FGF12: variants seen among roughly 807,000 people sequenced by gnomAD.
FGF12 encodes the protein fibroblast growth factor 12B.
A neutral mutation model predicts 23.6 loss-of-function variants in FGF12; 14 were observed. That is an observed-to-expected ratio of 0.59 (90% CI 0.39 to 0.93). The LOEUF (loss-of-function observed/expected upper bound fraction) is 0.93, where lower values mean the gene tolerates loss of function less well. Ranked by LOEUF, FGF12 falls within the 40% of genes least tolerant of loss-of-function variation. The probability of loss-of-function intolerance (pLI) is 0.00; values close to 1 mark genes in which losing one functional copy is unlikely to be tolerated. For synonymous variants in FGF12, 62 were observed against 77.3 expected, an observed-to-expected ratio of 0.80 and a Z score of 1.04; for missense variants, 175 against 217.8, an observed-to-expected ratio of 0.80 and a Z score of 1.24.
intron 2 of FGF12, among the ~76,000 whole-genome samples, chr3:192,653,604 G>A (rs1485831774): frequency 1.3e-5 from 2 of 152,044 alleles, no homozygotes; most frequent in Non-Finnish European, 1.5e-5. Flanking sequence ...GTTCCTGTAT[G>A]TCCTGTATAA....
At chr3:192,636,239 T>G (rs2108660455) in intron 2 of FGF12, among the ~76,000 whole-genome samples, 1 of 152,354 alleles carries the variant, frequency 6.6e-6, no homozygotes, top group African/African-American at 2.4e-5. Flanking sequence ...ATTTGGATAC[T>G]TTGATCCATA....
chr3:192,573,071 A>C (rs1481335281), intron 2 of FGF12, among the ~76,000 whole-genome samples: 2 of 152,190 alleles, frequency 1.3e-5, no homozygotes, highest in African/African-American at 2.4e-5. Flanking sequence ...AATGAGCAAA[A>C]CTTTATACTA....
At chr3:192,370,498 G>C (rs1355401656) in intron 2 of FGF12, among the ~76,000 whole-genome samples, 1 of 152,128 alleles carries the variant, frequency 6.6e-6, no homozygotes, top group Non-Finnish European at 1.5e-5. Context: ...AGCTATGATT[G>C]CATCACTATA....
chr3:192,385,519 T>A (rs1170194530), intron 2 of FGF12, among the ~76,000 whole-genome samples: 1 of 152,174 alleles, frequency 6.6e-6, no homozygotes, highest in Admixed American at 6.5e-5. Flanking sequence ...GCTCCTCAGA[T>A]CTGATCTTTC....
rs527630014 is a variant in FGF12, at chr3:192,430,773, GTCT to G, written c.14-70238_14-70236del. On this transcript the variant is annotated intron_variant, in intron 2 of 5. Coordinates refer to ENST00000445105, the MANE Select transcript of FGF12 (RefSeq NM_004113.6). ...GCATTTCGCCACCATGAAGAGGGTA[GTCT>G]TGGGTGGGTCTTAGTGACCACAGGT... is the stretch of plus-strand genomic sequence containing the variant. Among the ~76,000 whole-genome samples, 410 of 152,288 alleles carry G rather than the reference GTCT, an allele frequency of 2.7e-3. 1 individual carries two copies. The highest frequency in any genetic ancestry group is 9.3e-3 in the African/African-American group (386 of 41,574).
At chr3:192,679,240 G>A (rs1336729756) in intron 2 of FGF12, among the ~76,000 whole-genome samples, 1 of 152,156 alleles carries the variant, frequency 6.6e-6, no homozygotes, top group Admixed American at 6.5e-5. Context: ...GTGAGGCACA[G>A]GAAGATAGGC....
chr3:192,271,054 CA>C (rs1713405187), intron 4 of FGF12, among the ~76,000 whole-genome samples: 1 of 152,090 alleles, frequency 6.6e-6, no homozygotes, highest in African/African-American at 2.4e-5. Flanking sequence ...CAAAATCAAT[CA>C]ATTAGACATT....
chr3:192,174,390 T>A (rs1453049861), intron 4 of FGF12, among the ~76,000 whole-genome samples: 3 of 152,152 alleles, frequency 2.0e-5, no homozygotes, highest in African/African-American at 7.2e-5. Flanking sequence ...TAATCAGCAA[T>A]GAAAAGCCAA....
chr3:192,465,647 T>C (rs1274418691), intron 2 of FGF12, among the ~76,000 whole-genome samples: 1 of 152,198 alleles, frequency 6.6e-6, no homozygotes, highest in Non-Finnish European at 1.5e-5. Flanking sequence ...GCTGAATAGC[T>C]ACTTTTCTTA....
At chr3:192,485,409 C>T (rs1387009403) in intron 2 of FGF12, among the ~76,000 whole-genome samples, 3 of 152,184 alleles carry the variant, frequency 2.0e-5, no homozygotes, top group African/African-American at 2.4e-5. Context: ...ATTAATGCTT[C>T]GACAGTAAGA....
At chr3:192,624,197 A>T (rs867562332) in intron 2 of FGF12, among the ~76,000 whole-genome samples, 3 of 146,936 alleles carry the variant, frequency 2.0e-5, no homozygotes, top group South Asian at 2.1e-4. Context: ...TCTCTTAGAT[A>T]AAAAAAAAAA....
intron 5 of FGF12, among the ~76,000 whole-genome samples, chr3:192,166,438 T>C (rs541879543): frequency 3.3e-5 from 5 of 152,352 alleles, no homozygotes; most frequent in Admixed American, 2.0e-4. Context: ...GGTCCCACTA[T>C]ATTGAAGTTA....
rs1553835729 is a variant in FGF12 at position 192,588,361 on chromosome 3, A to AAAAG, written c.13+138819_13+138820insCTTT. Among the ~76,000 whole-genome samples the AAAAG allele has an allele frequency of 3.2e-4, 38 of 120,252 alleles. 1 individual carries two copies. The East Asian group carries it at 6.3e-3, about 20-fold the overall frequency. 78.9% of individuals were successfully genotyped at this position (120,252 alleles called of 152,430 possible). A position where few individuals can be genotyped will look rare whatever the true frequency, so the allele number is the denominator to read the frequency against. ...CAACAATCCGTCTCAAAAAAAAAAA[A>AAAAG]AAAAAAGAAAAAAAGAAAAAAAAAA... On this transcript the variant is annotated intron_variant, in intron 2 of 5. Coordinates refer to ENST00000445105, the MANE Select transcript of FGF12 (RefSeq NM_004113.6).
At chr3:192,186,983 C>G (rs777221407) in intron 4 of FGF12, among the ~76,000 whole-genome samples, 14 of 152,154 alleles carry the variant, frequency 9.2e-5, no homozygotes, top group African/African-American at 4.8e-5. Context: ...TGAAAGGAAG[C>G]TTGGAATTCT....
At position 192,407,324 on chromosome 3, in the gene FGF12, C is replaced by T. The variant is rs138952547; in HGVS notation, c.14-46786G>A. ...TCAATGTCTCAAAAGTGTGAGTGTGCTAAGTATGGTAATAGGACAGAAACG... is the reference window on the plus strand; with the variant it reads ...TCAATGTCTCAAAAGTGTGAGTGTGTTAAGTATGGTAATAGGACAGAAACG... On this transcript the variant is annotated intron_variant, in intron 2 of 5. Coordinates refer to ENST00000445105, the MANE Select transcript of FGF12 (RefSeq NM_004113.6). Among the ~76,000 whole-genome samples the T allele has an allele frequency of 2.7e-3, 416 of 152,094 alleles. 2 individuals are homozygous for T. Among genetic ancestry groups the T allele is most frequent in the African/African-American group, 9.6e-3 (399 of 41,454 alleles).
At chr3:192,339,890 G>C (rs564135160) in intron 3 of FGF12, among the ~76,000 whole-genome samples, 1 of 152,112 alleles carries the variant, frequency 6.6e-6, no homozygotes, top group Non-Finnish European at 1.5e-5. Context: ...TTAAATAAAT[G>C]TTATTATATG....
At chr3:192,512,561 C>T (rs531207708) in intron 2 of FGF12, among the ~76,000 whole-genome samples, 49 of 151,744 alleles carry the variant, frequency 3.2e-4, no homozygotes, top group African/African-American at 1.2e-3. Context: ...CATTTATGCA[C>T]TAATTAGGAA....
At chr3:192,538,879 G>C (rs1455873330) in intron 2 of FGF12, among the ~76,000 whole-genome samples, 1 of 151,978 alleles carries the variant, frequency 6.6e-6, no homozygotes. Context: ...TTAATTCCTA[G>C]ATATTTTATT....
chr3:192,548,895 T>C (rs951553801), intron 2 of FGF12, among the ~76,000 whole-genome samples: 9 of 152,172 alleles, frequency 5.9e-5, no homozygotes, highest in Non-Finnish European at 8.8e-5. Context: ...CCTGTGGGAA[T>C]AATTCATTGC....
Sources: allele counts gnomAD v4.1 joint callset (sites outside exome capture counted in the v4.1 genomes callset), GRCh38; gene constraint gnomAD v4.1.1; transcripts MANE v1.5; gene names NCBI Gene and HGNC (gene_info 2026-07-23, HGNC 2026-07-21).